The following TBCE variants were observed in gnomAD, a reference collection of about 807,000 sequenced individuals.
The protein encoded by TBCE is tubulin folding cofactor E, also known as tubulin-specific chaperone E.
A neutral mutation model predicts 77.0 loss-of-function variants in TBCE; 53 were observed. That is an observed-to-expected ratio of 0.69 (90% CI 0.55 to 0.87). The LOEUF (loss-of-function observed/expected upper bound fraction) is 0.87, where lower values mean the gene tolerates loss of function less well. Ranked by LOEUF, TBCE falls within the 40% of genes least tolerant of loss-of-function variation. TBCE has a pLI of 0.00. For synonymous variants in TBCE, 235 were observed against 241.3 expected, an observed-to-expected ratio of 0.97 and a Z score of 0.24; for missense variants, 624 against 622.4, an observed-to-expected ratio of 1.00 and a Z score of -0.03.
rs1681532160 is a variant in TBCE at position 235,437,407 on chromosome 1, A to G, written c.1049A>G (p.Glu350Gly). 6.8e-6 allele frequency: 11 copies of G among 1,614,214 alleles called. No individual in the cohort carries two copies. Among genetic ancestry groups the G allele is most frequent in the Non-Finnish European group, 9.3e-6 (11 of 1,180,050 alleles). ...LRNPLTKEDK[E>G]AETARLLIIA... ...AACCCCCTGACCAAAGAGGACAAAGAAGCAGAGACGGCGCGACTACTCATT... is the reference window on the plus strand; with the variant it reads ...AACCCCCTGACCAAAGAGGACAAAGGAGCAGAGACGGCGCGACTACTCATT... Residue 350 changes from glutamate to glycine, a missense_variant, in exon 12 of 17, where the codon GAA becomes GGA. By Grantham distance (98) the Glu-to-Gly change is moderately conservative. Transcript: ENST00000642610.
In TBCE at chr1:235,392,933, T is replaced by A. The variant is rs1678482118; in HGVS notation, c.101-8570T>A. ...TGGGAGGCTGAGGTGGGAGGATTGC[T>A]TGAGCCCATAAGTTCATGGCTGCAA... On this transcript the variant is annotated intron_variant, in intron 2 of 16. Coordinates refer to ENST00000642610, the MANE Select transcript of TBCE (RefSeq NM_003193.5). 2.0e-5 allele frequency among the ~76,000 whole-genome samples: 3 copies of A among 151,502 alleles called. No homozygotes were observed. In the South Asian group the frequency reaches 6.3e-4, roughly 32 times the overall value.
intron 2 of TBCE, among the ~76,000 whole-genome samples, chr1:235,397,395 G>T (rs1238786026): frequency 6.6e-6 from 1 of 152,026 alleles, no homozygotes; most frequent in African/African-American, 2.4e-5. Flanking sequence ...GTAGAGACAG[G>T]GTTTCACCGT....
At chr1:235,420,570 C>T (rs1680348620) in intron 5 of TBCE, among the ~76,000 whole-genome samples, 1 of 151,628 alleles carries the variant, frequency 6.6e-6, no homozygotes, top group Admixed American at 6.6e-5. Flanking sequence ...GCAACCTCCG[C>T]CTCCCGGGTT....
At position 235,374,164 on chromosome 1, in the gene TBCE, C is replaced by G. The variant is rs575666014; in HGVS notation, c.-31-5855C>G. On this transcript the variant is annotated intron_variant, in intron 1 of 16. Coordinates refer to ENST00000642610, the MANE Select transcript of TBCE (RefSeq NM_003193.5). ...TAGAGACAGGTTTCACCATGTTGGC[C>G]AGGCTGGCCTCGAACTCCTGACCTC... Among the ~76,000 whole-genome samples the G allele has an allele frequency of 4.2e-5, 6 of 144,234 alleles. 1 individual carries two copies. In the South Asian group the frequency reaches 1.3e-3, roughly 31 times the overall value. 94.6% of individuals were successfully genotyped at this position (144,234 alleles called of 152,430 possible). A position where few individuals can be genotyped will look rare whatever the true frequency, so the allele number is the denominator to read the frequency against.
At chr1:235,438,552 T>A (rs1257283210) in intron 12 of TBCE, among the ~76,000 whole-genome samples, 4 of 146,130 alleles carry the variant, frequency 2.7e-5, no homozygotes, top group Admixed American at 6.8e-5. Flanking sequence ...CATCTCAAAT[T>A]AAAAAAAAAA....
At chr1:235,387,633 G>A (rs1025320879) in intron 2 of TBCE, among the ~76,000 whole-genome samples, 23 of 152,132 alleles carry the variant, frequency 1.5e-4, no homozygotes, top group Non-Finnish European at 2.5e-4. Context: ...CTGGTGTGCC[G>A]TTTTTTAAGC....
chr1:235,406,829 C>CTT (rs141351182), intron 3 of TBCE, among the ~76,000 whole-genome samples: 247 of 76,124 alleles, frequency 3.2e-3, no homozygotes, highest in Non-Finnish European at 4.1e-3. Context: ...TGCTCCTGGG[C>CTT]TTTTTTTTTT....
intron 2 of TBCE, among the ~76,000 whole-genome samples, chr1:235,389,771 G>A (rs1242231204): frequency 1.3e-5 from 2 of 152,104 alleles, no homozygotes; most frequent in Admixed American, 1.3e-4. Flanking sequence ...GATGTTTAAA[G>A]CACTTAGACC....
At chr1:235,405,054 C>T (rs182902899) in intron 3 of TBCE, among the ~76,000 whole-genome samples, 34 of 151,808 alleles carry the variant, frequency 2.2e-4, no homozygotes, top group Admixed American at 7.2e-4. Flanking sequence ...CCTCTGCCTC[C>T]CAGGTTCAAG....
intron 3 of TBCE, among the ~76,000 whole-genome samples, chr1:235,411,315 C>T (rs745553696): frequency 3.3e-5 from 5 of 152,158 alleles, no homozygotes; most frequent in Non-Finnish European, 4.4e-5. Flanking sequence ...CTCTATAAGT[C>T]AAGTTTGATT....
At chr1:235,399,613 C>A (rs1195606177) in intron 2 of TBCE, among the ~76,000 whole-genome samples, 1 of 152,244 alleles carries the variant, frequency 6.6e-6, no homozygotes, top group Non-Finnish European at 1.5e-5. Context: ...CTCCACAGCC[C>A]TTCCCCTGTA....
At chr1:235,404,522 A>G (rs1276774575) in intron 3 of TBCE, among the ~76,000 whole-genome samples, 1 of 152,084 alleles carries the variant, frequency 6.6e-6, no homozygotes, top group African/African-American at 2.4e-5. Context: ...GTGAGTGGTG[A>G]GTGAATGTGA....
At chr1:235,425,557 C>T (rs183672169) in intron 5 of TBCE, among the ~76,000 whole-genome samples, 54 of 152,248 alleles carry the variant, frequency 3.5e-4, no homozygotes, top group African/African-American at 9.9e-4. Flanking sequence ...GGACCCAGGT[C>T]ACCTGTCGCT....
At chr1:235,394,910 G>A (rs193175020) in intron 2 of TBCE, among the ~76,000 whole-genome samples, 97 of 151,930 alleles carry the variant, frequency 6.4e-4, no homozygotes, top group African/African-American at 2.0e-3. Flanking sequence ...TTCCTATGGC[G>A]CCCAGACTGG....
At chr1:235,399,559 A>G (rs1678960420) in intron 2 of TBCE, among the ~76,000 whole-genome samples, 1 of 152,230 alleles carries the variant, frequency 6.6e-6, no homozygotes, top group African/African-American at 2.4e-5. Context: ...ACTTCTAGAT[A>G]GCTGAATCTG....
At position 235,390,123 on chromosome 1, in the gene TBCE, CA is replaced by C. The variant is rs756117658; in HGVS notation, c.100+9985del. On this transcript the variant is annotated intron_variant, in intron 2 of 16. Coordinates refer to ENST00000642610, the MANE Select transcript of TBCE (RefSeq NM_003193.5). ...CCTGGGTGACAGAGTAAGACTGTCT[CA>C]AAAAAAAAAAGAAAAAGAAAAAGAA... Among the ~76,000 whole-genome samples the C allele has an allele frequency of 6.7e-3, 861 of 128,634 alleles. 8 individuals are homozygous for C. The highest frequency in any genetic ancestry group is 0.023 in the African/African-American group (799 of 35,064). The allele number at this position is 128,634 out of a possible 152,430, so 84.4% of individuals were successfully genotyped here. A position where few individuals can be genotyped will look rare whatever the true frequency, so the allele number is the denominator to read the frequency against.
At chr1:235,437,216 G>A (rs1244216568) in intron 11 of TBCE, 106 bp from the exon 12 acceptor site, 16 of 1,375,282 alleles carry the variant, frequency 1.2e-5, no homozygotes, top group Non-Finnish European at 1.6e-5. Context: ...GAAATTCCCT[G>A]CCTCAGATTA....
intron 5 of TBCE, among the ~76,000 whole-genome samples, chr1:235,424,652 T>C (rs764089168): frequency 6.6e-6 from 1 of 151,970 alleles, no homozygotes; most frequent in Non-Finnish European, 1.5e-5. Context: ...ATTACAGACA[T>C]GTGCCACCAT....
Position 235,450,023 on chromosome 1 carries a change from T to G in TBCE, c.*1261T>G. On this transcript the variant is annotated 3_prime_UTR_variant, in exon 17 of 17. Transcript: ENST00000642610. ...AACTTTTCTTATGCTACAGTACAAG[T>G]TGATTTTTAAGGAAATTTGTGCAAA... The G allele has an allele frequency of 4.9e-6, 3 of 618,366 alleles. No homozygotes were observed. The South Asian group carries it at 8.9e-5, about 18-fold the overall frequency. 38.3% of individuals were successfully genotyped at this position (618,366 alleles called of 1,614,324 possible).
Sources: allele counts gnomAD v4.1 joint callset (sites outside exome capture counted in the v4.1 genomes callset), GRCh38; gene constraint gnomAD v4.1.1; transcripts MANE v1.5; gene names NCBI Gene and HGNC (gene_info 2026-07-23, HGNC 2026-07-21).